Variants in NFIB observed in about 807,000 individuals in gnomAD.
The protein encoded by NFIB is nuclear factor I B.
In NFIB, 11 loss-of-function variants were observed where a neutral mutation model predicts 61.5. The ratio of observed to expected loss-of-function variants is 0.18; its 90% CI spans 0.11 to 0.30. NFIB has a LOEUF of 0.30. NFIB is among the 10% of genes least tolerant of loss of function. NFIB has a pLI of 1.00. For synonymous variants in NFIB, 260 were observed against 216.5 expected, an observed-to-expected ratio of 1.20 and a Z score of -1.76; for missense variants, 471 against 608.9, an observed-to-expected ratio of 0.77 and a Z score of 2.38.
the NFIB span, among the ~76,000 whole-genome samples, chr9:14,460,354 C>G: frequency 2.0e-5 from 3 of 148,162 alleles, no homozygotes; most frequent in Non-Finnish European, 3.0e-5. Flanking sequence ...AACATCACAA[C>G]CCGGGGCCTG....
At chr9:14,484,953 C>T in the NFIB span, among the ~76,000 whole-genome samples, 20 of 152,144 alleles carry the variant, frequency 1.3e-4, no homozygotes, top group Non-Finnish European at 2.5e-4. Context: ...GGGCTCTTTC[C>T]CTGACTCACA....
At chr9:14,170,851 A>G (rs138453370) in intron 3 of NFIB, among the ~76,000 whole-genome samples, 1 of 152,334 alleles carries the variant, frequency 6.6e-6, no homozygotes, top group African/African-American at 2.4e-5. Context: ...TTAGCAAATT[A>G]CAAGCTATTT....
chr9:14,391,270 A>T (rs190330623), intron 1 of NFIB, among the ~76,000 whole-genome samples: 1 of 151,614 alleles, frequency 6.6e-6, no homozygotes, highest in Non-Finnish European at 1.5e-5. Flanking sequence ...TGTGATGGAC[A>T]CTTTATCTCT....
chr9:14,484,652 A>G, the NFIB span, among the ~76,000 whole-genome samples: 2 of 152,224 alleles, frequency 1.3e-5, no homozygotes, highest in African/African-American at 2.4e-5. Flanking sequence ...GCTTTGCATC[A>G]TGTTTCACCT....
chr9:14,272,363 T>C (rs1253545879), intron 2 of NFIB, among the ~76,000 whole-genome samples: 6 of 152,120 alleles, frequency 3.9e-5, no homozygotes, highest in Non-Finnish European at 5.9e-5. Context: ...ACCCATGCAA[T>C]AGAGCCATGA....
At chr9:14,323,445 G>A (rs1445793530) in intron 1 of NFIB, among the ~76,000 whole-genome samples, 1 of 152,048 alleles carries the variant, frequency 6.6e-6, no homozygotes, top group Non-Finnish European at 1.5e-5. Flanking sequence ...GGGAAATAAT[G>A]TTTAACAGTT....
chr9:14,184,172 G>A (rs867839022), intron 2 of NFIB, among the ~76,000 whole-genome samples: 3 of 152,066 alleles, frequency 2.0e-5, no homozygotes, highest in South Asian at 2.1e-4. Context: ...GTGATCAAAC[G>A]GCTTGTCCAA....
chr9:14,193,139 G>C (rs780726675), intron 2 of NFIB, among the ~76,000 whole-genome samples: 5 of 149,460 alleles, frequency 3.3e-5, no homozygotes, highest in Non-Finnish European at 5.9e-5. Flanking sequence ...TTTAAAAAAG[G>C]CAACTAGATG....
At chr9:14,110,693 C>A (rs1223865854) in intron 10 of NFIB, among the ~76,000 whole-genome samples, 1 of 152,044 alleles carries the variant, frequency 6.6e-6, no homozygotes, top group Non-Finnish European at 1.5e-5. Context: ...ATTTCTGTTT[C>A]TTTATTCCTG....
At chr9:14,410,088 C>T in the NFIB span, among the ~76,000 whole-genome samples, 4 of 151,480 alleles carry the variant, frequency 2.6e-5, no homozygotes, top group African/African-American at 7.3e-5. Flanking sequence ...AGTCTGTAAC[C>T]GTGTTAAGTC....
intron 2 of NFIB, among the ~76,000 whole-genome samples, chr9:14,220,611 C>T (rs192118995): frequency 2.0e-5 from 3 of 152,192 alleles, no homozygotes; most frequent in South Asian, 2.1e-4. Context: ...GGATCACAGC[C>T]CATAGCTCTC....
upstream of NFIB, among the ~76,000 whole-genome samples, chr9:14,403,580 A>G (rs2061763220): frequency 2.0e-5 from 3 of 151,346 alleles, no homozygotes; most frequent in African/African-American, 7.3e-5. Flanking sequence ...CTCATTGAAC[A>G]TATAACTTTT....
chr9:14,203,464 CT>C (rs1263324426), intron 2 of NFIB, among the ~76,000 whole-genome samples: 7 of 152,222 alleles, frequency 4.6e-5, no homozygotes. Context: ...ATTCTGCCCC[CT>C]GTGCTTTGTA....
At chr9:14,171,199 A>C (rs760030257) in intron 3 of NFIB, among the ~76,000 whole-genome samples, 1 of 152,286 alleles carries the variant, frequency 6.6e-6, no homozygotes, top group South Asian at 2.1e-4. Context: ...TTATGAACCT[A>C]TATTCTATGT....
At chr9:14,173,780 T>G (rs182397070) in intron 3 of NFIB, among the ~76,000 whole-genome samples, 45 of 152,296 alleles carry the variant, frequency 3.0e-4, no homozygotes, top group African/African-American at 9.4e-4. Context: ...ATAGAGTAGG[T>G]GACTGGGGAG....
At chr9:14,299,062 A>G (rs2059609270) in intron 2 of NFIB, among the ~76,000 whole-genome samples, 1 of 152,338 alleles carries the variant, frequency 6.6e-6, no homozygotes, top group Middle Eastern at 3.4e-3. Flanking sequence ...TACACTTCAG[A>G]ATTCACTAAT....
chr9:14,506,911 T>A, the NFIB span, among the ~76,000 whole-genome samples: 1 of 152,186 alleles, frequency 6.6e-6, no homozygotes, highest in African/African-American at 2.4e-5. Flanking sequence ...TTAGATGGAC[T>A]TAAAAAGTAA....
intron 4 of NFIB, among the ~76,000 whole-genome samples, chr9:14,153,581 C>A (rs909226962): frequency 2.6e-5 from 4 of 152,042 alleles, no homozygotes; most frequent in Non-Finnish European, 5.9e-5. Flanking sequence ...AAAAGCTGAT[C>A]CTAAATCAAC....
At chr9:14,408,083 C>A in the NFIB span, among the ~76,000 whole-genome samples, 2 of 152,106 alleles carry the variant, frequency 1.3e-5, no homozygotes, top group South Asian at 4.1e-4. Context: ...TAGTTTCAGG[C>A]CTAGTTTCAA....
Sources: gnomAD v4.1 joint callset for allele counts (sites outside exome capture counted in the v4.1 genomes callset) on GRCh38, gnomAD v4.1.1 for gene constraint, MANE v1.5 for transcripts, NCBI Gene and HGNC (gene_info 2026-07-23, HGNC 2026-07-21) for gene names.